The following ANGEL2 variants were observed in gnomAD, a reference collection of about 807,000 sequenced individuals.
ANGEL2 encodes the protein angel homolog 2.
Under a neutral mutation model 66.0 loss-of-function variants are expected in ANGEL2, and 41 were observed. The ratio of observed to expected loss-of-function variants is 0.62; its 90% confidence interval spans 0.48 to 0.81. The LOEUF (loss-of-function observed/expected upper bound fraction) is 0.81, where lower values mean the gene tolerates loss of function less well. ANGEL2 is among the 30% of genes least tolerant of loss of function. The pLI, the probability that ANGEL2 is intolerant of heterozygous loss-of-function variation, is 0.00. For synonymous variants in ANGEL2, 208 were observed against 226.5 expected (o/e 0.92, Z 0.73); for missense variants, 561 against 641.6 (o/e 0.87, Z 1.36).
chr1:213,014,279 C>T (rs903400058), intron 1 of ANGEL2, among the ~76,000 whole-genome samples: 1 of 152,246 alleles, frequency 6.6e-6, no homozygotes, highest in African/African-American at 2.4e-5. Context: ...AAATTCTTAA[C>T]AGCTACATTT....
chr1:213,006,121 T>TC (rs1314450502), intron 4 of ANGEL2, among the ~76,000 whole-genome samples: 1 of 152,110 alleles, frequency 6.6e-6, no homozygotes, highest in Non-Finnish European at 1.5e-5. Flanking sequence ...TGCTATATCC[T>TC]CATTCCCTAG....
intron 4 of ANGEL2, among the ~76,000 whole-genome samples, chr1:213,006,143 G>A (rs1291810166): frequency 6.6e-6 from 1 of 152,006 alleles, no homozygotes; most frequent in Non-Finnish European, 1.5e-5. Flanking sequence ...ACAGTGCACG[G>A]TATATAGTAG....
In ANGEL2 at chr1:213,008,405, T is replaced by C. The variant is rs571068735; in HGVS notation, c.447A>G (p.Leu149=). 23 of 1,614,126 alleles carry C rather than the reference T, an allele frequency of 1.4e-5. No homozygotes were observed. The East Asian group carries it at 4.5e-4, about 31-fold the overall frequency. The change falls in exon 3 of 9, where the codon CTA becomes CTG. Residue 149 remains leucine (L), a synonymous_variant. Coordinates refer to ENST00000366962, the MANE Select transcript of ANGEL2 (RefSeq NM_144567.5). ...CSHDKEKTKI[L]GDKNVDPKCE... ...ATTTGGGATCAACATTTTTGTCTCC[T>C]AGGATCTTCGTTTTTTCTTTATCAT...
At position 212,994,811 on chromosome 1, in the gene ANGEL2, T is replaced by G; in HGVS notation, c.*230A>C. The G allele has an allele frequency of 3.2e-6, 1 of 311,970 alleles. No homozygotes were observed. The highest frequency in any genetic ancestry group is 5.7e-6 in the Non-Finnish European group (1 of 174,288). 19.3% of individuals were successfully genotyped at this position (311,970 alleles called of 1,614,324 possible). ...ATTTAGAATATAAAACCTTTACATC[T>G]CTTTTACAATAAAGAGAATTTAGAG... is the stretch of plus-strand genomic sequence containing the variant. On this transcript the variant is annotated 3_prime_UTR_variant, in exon 9 of 9. Transcript: ENST00000366962.
rs115948766 is a variant in ANGEL2, at chr1:212,992,362, G to C, written c.*2679C>G. On this transcript the variant is annotated 3_prime_UTR_variant, in exon 9 of 9. Coordinates refer to ENST00000366962, the MANE Select transcript of ANGEL2 (RefSeq NM_144567.5). ...AGATTTCAAACATGAATATTATCTTGATAGCAAAAGGTACAGTAAAACCAA... is the reference window on the plus strand; with the variant it reads ...AGATTTCAAACATGAATATTATCTTCATAGCAAAAGGTACAGTAAAACCAA... 3.6e-3 allele frequency: 541 copies of C among 152,294 alleles called. 4 individuals are homozygous for C. Among genetic ancestry groups the C allele is most frequent in the African/African-American group, 0.012 (515 of 41,562 alleles). 9.4% of individuals were successfully genotyped at this position (152,294 alleles called of 1,614,324 possible). A position where few individuals can be genotyped will look rare whatever the true frequency, so the allele number is the denominator to read the frequency against.
intron 8 of ANGEL2, among the ~76,000 whole-genome samples, chr1:212,996,485 G>T (rs1460067197): frequency 6.6e-6 from 1 of 151,116 alleles, no homozygotes; most frequent in Non-Finnish European, 1.5e-5. Context: ...AGGTGGGCAT[G>T]GTGGCTCATG....
Position 213,000,782 on chromosome 1 carries a change from T to C in ANGEL2, c.1261+4A>G, listed in dbSNP as rs780260444. ...GACTGCCAAAATGTATTACAAACACTTACCTGTCTTTTCTACTTTTGGTAC... is the reference window on the plus strand; with the variant it reads ...GACTGCCAAAATGTATTACAAACACCTACCTGTCTTTTCTACTTTTGGTAC... On this transcript the variant is annotated splice_donor_region_variant and intron_variant, in intron 6 of 8. Transcript: ENST00000366962. 6.2e-7 allele frequency: 1 copy of C among 1,603,674 alleles called. No homozygotes were observed. Among genetic ancestry groups the C allele is most frequent in the Non-Finnish European group, 8.5e-7 (1 of 1,178,280 alleles).
chr1:213,008,143 C>CATGA, intron 3 of ANGEL2, 67 bp downstream of exon 3: 1 of 1,530,756 alleles, frequency 6.5e-7, no homozygotes, highest in East Asian at 2.3e-5. Context: ...GGATTACAAG[C>CATGA]ATGAGCCAGT....
Position 212,997,412 on chromosome 1 carries a change from A to G in ANGEL2, c.1320-94T>C, listed in dbSNP as rs1572107834. 9 of 1,069,522 alleles carry G rather than the reference A, an allele frequency of 8.4e-6. No homozygotes were observed. In the South Asian group the frequency reaches 1.3e-4, roughly 15 times the overall value. 66.3% of individuals were successfully genotyped at this position (1,069,522 alleles called of 1,614,324 possible). A position where few individuals can be genotyped will look rare whatever the true frequency, so the allele number is the denominator to read the frequency against. ...TTCTTTTTCACTTAATTTCTAGACT[A>G]AGACCAAACATTAGGACAAGCTTTA... On this transcript the variant is annotated intron_variant, in intron 7 of 8. Coordinates refer to ENST00000366962, the MANE Select transcript of ANGEL2 (RefSeq NM_144567.5).
Position 212,995,100 on chromosome 1 carries a change from T to G in ANGEL2, c.1576A>C (p.Asn526His), listed in dbSNP as rs1388598828. 1.2e-6 allele frequency: 2 copies of G among 1,612,738 alleles called. No individual in the cohort carries two copies. The highest frequency in any genetic ancestry group is 8.5e-7 in the Non-Finnish European group (1 of 1,179,310). The change falls in exon 9 of 9, where the codon AAC (asparagine) becomes CAC (histidine). Residue 526 changes from asparagine (N) to histidine (H), a missense_variant. Asn to His is a moderately conservative substitution (Grantham distance 68, BLOSUM62 1). Coordinates refer to ENST00000366962, the MANE Select transcript of ANGEL2 (RefSeq NM_144567.5). ...QDLWTVNGLP[N>H]ENNSSDHLPL... ...AGATGATCTGAAGAGTTATTTTCGT[T>G]TGGAAGTCCATTAACAGTCCATAAG...
chr1:213,002,888 A>C (rs2076215967), intron 5 of ANGEL2, among the ~76,000 whole-genome samples: 1 of 151,208 alleles, frequency 6.6e-6, no homozygotes, highest in Non-Finnish European at 1.5e-5. Context: ...ACTGCAGTCC[A>C]GCCTGGGCAA....
At chr1:213,010,811 A>G (rs2076485955) in intron 2 of ANGEL2, among the ~76,000 whole-genome samples, 2 of 152,234 alleles carry the variant, frequency 1.3e-5, no homozygotes, top group African/African-American at 4.8e-5. Context: ...CTTATAAAAC[A>G]TGTACATGTA....
chr1:212,999,037 T>C (rs2076107173), intron 7 of ANGEL2, among the ~76,000 whole-genome samples: 1 of 151,708 alleles, frequency 6.6e-6, no homozygotes, highest in African/African-American at 2.4e-5. Flanking sequence ...CATGCCCGGC[T>C]AATTTTTTGT....
chr1:213,002,460 TTTC>T (rs1279659638), intron 5 of ANGEL2, among the ~76,000 whole-genome samples: 3 of 152,228 alleles, frequency 2.0e-5, no homozygotes, highest in Admixed American at 2.0e-4. Flanking sequence ...GCCCTAGGAT[TTTC>T]AGAATGGTCA....
In ANGEL2 at chr1:213,009,667, T is replaced by C. The variant is rs75169899; in HGVS notation, c.386-1201A>G. On this transcript the variant is annotated intron_variant, in intron 2 of 8. Transcript: ENST00000366962. The stretch of plus-strand genomic sequence containing the variant: ...AGTAGTTATCTCTGAGTGTTAGGAC[T>C]GTGAAATATTTTTGCAAATCTTCTG... 3.2e-3 allele frequency among the ~76,000 whole-genome samples: 488 copies of C among 152,378 alleles called. 2 individuals are homozygous for C. Among genetic ancestry groups the C allele is most frequent in the Non-Finnish European group, 4.5e-3 (303 of 68,034 alleles).
chr1:212,996,640 AATATATATATATATAT>A (rs34712162), intron 8 of ANGEL2, among the ~76,000 whole-genome samples: 4 of 66,486 alleles, frequency 6.0e-5, no homozygotes, highest in Non-Finnish European at 9.8e-5. Flanking sequence ...AAAAAAAAAA[AATATATATATATATAT>A]ATATATATAT....
intron 4 of ANGEL2, among the ~76,000 whole-genome samples, chr1:213,006,200 G>A (rs192766535): frequency 2.0e-5 from 3 of 152,082 alleles, no homozygotes; most frequent in South Asian, 2.1e-4. Flanking sequence ...GGTGGCTCAC[G>A]CCTATAATCC....
Position 212,994,063 on chromosome 1 carries a change from C to G in ANGEL2, c.*978G>C, listed in dbSNP as rs898052669. 6.6e-6 allele frequency: 1 copy of G among 152,176 alleles called. No individual in the cohort carries two copies. Among genetic ancestry groups the G allele is most frequent in the Non-Finnish European group, 1.5e-5 (1 of 68,030 alleles). The allele number at this position is 152,176 out of a possible 1,614,324, so 9.4% of individuals were successfully genotyped here. ...TTTGAGAGCTGAGGTGGGCGGATCA[C>G]CTGAGGTTGGGAGTTCGAGACCAGC... On this transcript the variant is annotated 3_prime_UTR_variant, in exon 9 of 9. Coordinates refer to ENST00000366962, the MANE Select transcript of ANGEL2 (RefSeq NM_144567.5).
At chr1:213,001,740 T>C (rs2076183556) in intron 5 of ANGEL2, 1 of 152,292 alleles carries the variant, frequency 6.6e-6, no homozygotes, top group Admixed American at 6.5e-5. Context: ...TAAAATCCTT[T>C]GTTGTAATTT....
Sources: allele counts gnomAD v4.1 joint callset (sites outside exome capture counted in the v4.1 genomes callset), GRCh38; gene constraint gnomAD v4.1.1; transcripts MANE v1.5; gene names NCBI Gene and HGNC (gene_info 2026-07-23, HGNC 2026-07-21).